ZGRF1: variants seen among roughly 807,000 people sequenced by gnomAD.
ZGRF1 encodes the protein zinc finger GRF-type containing 1, also known as 5'-3' DNA helicase ZGRF1.
ZGRF1 carries 196 observed loss-of-function variants against 203.5 expected under a neutral mutation model. That is an observed-to-expected ratio of 0.96 (90% CI 0.86 to 1.08). ZGRF1 has a LOEUF of 1.08. ZGRF1 is among the 50% of genes least tolerant of loss of function. The probability of loss-of-function intolerance (pLI) is 0.00; values close to 1 mark genes in which losing one functional copy is unlikely to be tolerated. For missense variants in ZGRF1, 2,326 were observed against 2,416.3 expected (o/e 0.96, Z 0.78); for synonymous variants, 809 against 841.3 (o/e 0.96, Z 0.66).
chr4:112,590,924 C>CAA (rs550984359), intron 10 of ZGRF1, among the ~76,000 whole-genome samples: 11 of 64,594 alleles, frequency 1.7e-4, no homozygotes, highest in African/African-American at 5.5e-4. Flanking sequence ...GACTCCTTCT[C>CAA]AAAAAAAAAA....
At chr4:112,595,416 T>C (rs1037914728) in intron 10 of ZGRF1, among the ~76,000 whole-genome samples, 4 of 152,208 alleles carry the variant, frequency 2.6e-5, no homozygotes, top group South Asian at 2.1e-4. Flanking sequence ...CAGTGTAATA[T>C]ACAATTAAAA....
At chr4:112,563,097 A>G in intron 17 of ZGRF1, 34 bp downstream of exon 17, 1 of 1,500,030 alleles carries the variant, frequency 6.7e-7, no homozygotes, top group Non-Finnish European at 8.9e-7. Flanking sequence ...CATTCTTTTT[A>G]AATATAAACT....
chr4:112,541,235 G>T lies in ZGRF1; in HGVS notation c.5632C>A (p.Arg1878Ser). ...HKPILLRTQY[R>S]CHPAISAIAN... ...ATAGCACTGATTGCAGGATGACAAC[G>T]GTATTGAGTTCTCAATAGAATTGGC... is the stretch of plus-strand genomic sequence containing the variant. Residue 1878 changes from arginine to serine, a missense_variant, in exon 25 of 28, where the codon CGT becomes AGT. Physicochemically the swap from Arg to Ser is moderately radical, Grantham distance 110. Transcript: ENST00000505019. 1 of 1,599,788 alleles carries T rather than the reference G, an allele frequency of 6.3e-7. No homozygotes were observed. Among genetic ancestry groups the T allele is most frequent in the Non-Finnish European group, 8.5e-7 (1 of 1,171,312 alleles).
At chr4:112,604,131 G>A (rs1000837463) in intron 9 of ZGRF1, among the ~76,000 whole-genome samples, 5 of 151,974 alleles carry the variant, frequency 3.3e-5, no homozygotes, top group South Asian at 2.1e-4. Flanking sequence ...GGCTGAGGCC[G>A]GAGAATTGCT....
intron 3 of ZGRF1, among the ~76,000 whole-genome samples, chr4:112,631,647 G>A (rs902201456): frequency 3.9e-5 from 6 of 152,160 alleles, no homozygotes; most frequent in African/African-American, 1.4e-4. Context: ...ACCCCAGCCT[G>A]GGTGACAGAG....
chr4:112,635,809 T>G (rs1340777404), intron 1 of ZGRF1, among the ~76,000 whole-genome samples: 1 of 151,910 alleles, frequency 6.6e-6, no homozygotes, highest in Non-Finnish European at 1.5e-5. Context: ...ACCCAGTATT[T>G]ACTAGTTTAG....
intron 18 of ZGRF1, 144 bp from the exon 19 acceptor site, chr4:112,561,139 T>C: frequency 1.5e-6 from 1 of 647,052 alleles, no homozygotes; most frequent in Non-Finnish European, 2.7e-6. Context: ...GGATATATAC[T>C]GTAAATGGAT....
At chr4:112,624,918 T>C (rs1381723781) in intron 3 of ZGRF1, among the ~76,000 whole-genome samples, 1 of 152,202 alleles carries the variant, frequency 6.6e-6, no homozygotes, top group Non-Finnish European at 1.5e-5. Context: ...AGCAGCATTA[T>C]TCATAATAGC....
chr4:112,603,417 C>T (rs17669193), intron 10 of ZGRF1, 107 bp downstream of exon 10: 1 of 641,506 alleles, frequency 1.6e-6, no homozygotes, highest in Non-Finnish European at 2.5e-6. Flanking sequence ...ATTTACTGTA[C>T]TCCTTTTTAA....
chr4:112,597,410 G>A (rs895438210), intron 10 of ZGRF1, among the ~76,000 whole-genome samples: 4 of 151,868 alleles, frequency 2.6e-5, no homozygotes, highest in Non-Finnish European at 5.9e-5. Context: ...TGTAATCCCA[G>A]CTACCCAGGA....
chr4:112,562,160 C>T (rs777813983), intron 18 of ZGRF1: 2 of 403,948 alleles, frequency 5.0e-6, no homozygotes, highest in Non-Finnish European at 9.3e-6. Flanking sequence ...CTGCCCACCT[C>T]GGCCTCCCAA....
At chr4:112,625,368 G>A (rs147822790) in intron 3 of ZGRF1, among the ~76,000 whole-genome samples, 4,267 of 148,870 alleles carry the variant, frequency 0.029, 95 homozygotes, top group Middle Eastern at 0.1. Context: ...GGCGGATCAC[G>A]AGGTCAGGAG....
intron 19 of ZGRF1, among the ~76,000 whole-genome samples, chr4:112,558,688 A>G (rs185892507): frequency 1.3e-5 from 2 of 152,356 alleles, no homozygotes; most frequent in East Asian, 3.9e-4. Flanking sequence ...TATAACAAAT[A>G]TTTCATCCAT....
At chr4:112,546,375 A>G (rs1022218954) in intron 24 of ZGRF1, among the ~76,000 whole-genome samples, 13 of 152,220 alleles carry the variant, frequency 8.5e-5, no homozygotes, top group African/African-American at 2.9e-4. Flanking sequence ...AAATGCTACT[A>G]AACTGTTCAC....
At chr4:112,598,907 G>A (rs1054374666) in intron 10 of ZGRF1, among the ~76,000 whole-genome samples, 21 of 151,806 alleles carry the variant, frequency 1.4e-4, no homozygotes, top group African/African-American at 4.8e-4. Flanking sequence ...AAAAATTAGC[G>A]AGGTTTGGTG....
chr4:112,560,499 T>A (rs1335969519), intron 19 of ZGRF1, among the ~76,000 whole-genome samples: 1 of 152,218 alleles, frequency 6.6e-6, no homozygotes. Context: ...ATCTGGATAC[T>A]TTGACCATAA....
intron 3 of ZGRF1, chr4:112,628,936 A>T (rs1283728545): frequency 5.5e-6 from 2 of 364,468 alleles, no homozygotes; most frequent in Non-Finnish European, 1.1e-5. Flanking sequence ...ATTTAAAAAA[A>T]ATATGGATAT....
At chr4:112,577,510 C>CA (rs1745464808) in intron 16 of ZGRF1, among the ~76,000 whole-genome samples, 1 of 122,612 alleles carries the variant, frequency 8.2e-6, no homozygotes. Flanking sequence ...CAAGATCCAT[C>CA]AGTGTGCTGT....
At chr4:112,632,489 G>C (rs2047443460) in intron 2 of ZGRF1, among the ~76,000 whole-genome samples, 1 of 152,164 alleles carries the variant, frequency 6.6e-6, no homozygotes, top group African/African-American at 2.4e-5. Flanking sequence ...CTATTTTCAT[G>C]ATGCTGTCTT....
Sources: allele counts gnomAD v4.1 joint callset (sites outside exome capture counted in the v4.1 genomes callset), GRCh38; gene constraint gnomAD v4.1.1; transcripts MANE v1.5; gene names NCBI Gene and HGNC (gene_info 2026-07-23, HGNC 2026-07-21).